Variants in CNTNAP2 observed in about 807,000 individuals in gnomAD.
The protein encoded by CNTNAP2 is contactin-associated protein-like 2.
CNTNAP2 carries 98 observed loss-of-function variants against 155.2 expected under a neutral mutation model. The observed-to-expected ratio is 0.63, with a 90% CI of 0.54 to 0.75. The LOEUF (loss-of-function observed/expected upper bound fraction) is 0.75, where lower values mean the gene tolerates loss of function less well. CNTNAP2 is among the 30% of genes least tolerant of loss of function. The probability of loss-of-function intolerance (pLI) is 0.00; values close to 1 mark genes in which losing one functional copy is unlikely to be tolerated. For synonymous variants in CNTNAP2, 651 were observed against 631.2 expected, an observed-to-expected ratio of 1.03 and a Z score of -0.47; for missense variants, 1,727 against 1,688.1, an observed-to-expected ratio of 1.02 and a Z score of -0.40.
At chr7:147,139,109 G>T (rs137856081) in intron 8 of CNTNAP2, among the ~76,000 whole-genome samples, 2 of 152,070 alleles carry the variant, frequency 1.3e-5, no homozygotes, top group East Asian at 3.9e-4. Flanking sequence ...CAAGAACAGG[G>T]AGGACATAGA....
At chr7:147,452,918 A>AG (rs1797857927) in intron 10 of CNTNAP2, among the ~76,000 whole-genome samples, 1 of 151,078 alleles carries the variant, frequency 6.6e-6, no homozygotes, top group African/African-American at 2.4e-5. Flanking sequence ...ATGAGAAACT[A>AG]GAAAAAATAG....
At chr7:147,476,859 C>T (rs993059799) in intron 10 of CNTNAP2, among the ~76,000 whole-genome samples, 4 of 148,546 alleles carry the variant, frequency 2.7e-5, no homozygotes, top group East Asian at 2.0e-4. Flanking sequence ...ACCTAGGAGG[C>T]GGAGGTTGCG....
rs1798050259 is a variant in CNTNAP2, at chr7:147,462,918, C to A, written c.1671-23017C>A. Among the ~76,000 whole-genome samples, 4 of 152,112 alleles carry A rather than the reference C, an allele frequency of 2.6e-5. No homozygotes were observed. The South Asian group carries it at 8.3e-4, about 32-fold the overall frequency. ...TTCTAACAAGTGTATCGAGAAGTAA[C>A]AGTTATGAACACACTTGTTTTGAAT... On this transcript the variant is annotated intron_variant, in intron 10 of 23. Transcript: ENST00000361727.
intron 4 of CNTNAP2, among the ~76,000 whole-genome samples, chr7:147,062,211 G>A (rs1799697579): frequency 7.9e-6 from 1 of 126,438 alleles, no homozygotes; most frequent in Non-Finnish European, 1.6e-5. Context: ...ACCATAGACA[G>A]TACCTACAAT....
chr7:146,996,838 G>C (rs1798317525), intron 3 of CNTNAP2, among the ~76,000 whole-genome samples: 1 of 152,080 alleles, frequency 6.6e-6, no homozygotes. Flanking sequence ...CCCACTTGTT[G>C]TGGGAGGGAC....
At chr7:146,404,369 T>A (rs1795760745) in intron 1 of CNTNAP2, among the ~76,000 whole-genome samples, 1 of 152,148 alleles carries the variant, frequency 6.6e-6, no homozygotes, top group African/African-American at 2.4e-5. Context: ...TGGGGTGGAA[T>A]GGAGAAATCT....
chr7:146,157,453 A>G (rs1007228672), intron 1 of CNTNAP2, among the ~76,000 whole-genome samples: 1 of 152,096 alleles, frequency 6.6e-6, no homozygotes, highest in African/African-American at 2.4e-5. Flanking sequence ...TCATTTGGGA[A>G]GCACAAGGGG....
chr7:146,900,612 T>TCCACTCCTCTC, intron 3 of CNTNAP2, among the ~76,000 whole-genome samples: 1 of 152,242 alleles, frequency 6.6e-6, no homozygotes, highest in East Asian at 1.9e-4. Flanking sequence ...CACTTCATCA[T>TCCACTCCTCTC]CCACTCCTCT....
intron 8 of CNTNAP2, among the ~76,000 whole-genome samples, chr7:147,296,144 T>C (rs1805437951): frequency 6.6e-6 from 1 of 152,196 alleles, no homozygotes; most frequent in Admixed American, 6.5e-5. Flanking sequence ...TGTGATTATT[T>C]AGGATTGGAT....
At chr7:147,269,562 C>T (rs1804692923) in intron 8 of CNTNAP2, among the ~76,000 whole-genome samples, 1 of 152,208 alleles carries the variant, frequency 6.6e-6, no homozygotes, top group Non-Finnish European at 1.5e-5. Context: ...AGGAAACAAA[C>T]CAGGTCCCCT....
intron 11 of CNTNAP2, among the ~76,000 whole-genome samples, chr7:147,506,575 C>T (rs541122817): frequency 6.6e-5 from 10 of 152,242 alleles, no homozygotes; most frequent in Admixed American, 3.3e-4. Context: ...GATTTTGACA[C>T]GTCCTTCCAG....
At chr7:146,587,752 A>G (rs1368992043) in intron 1 of CNTNAP2, among the ~76,000 whole-genome samples, 1 of 151,912 alleles carries the variant, frequency 6.6e-6, no homozygotes, top group Admixed American at 6.6e-5. Context: ...AGCTCACTGC[A>G]ACCTCCACCT....
chr7:146,131,687 T>A (rs1797716414), intron 1 of CNTNAP2, among the ~76,000 whole-genome samples: 1 of 152,224 alleles, frequency 6.6e-6, no homozygotes, highest in East Asian at 1.9e-4. Flanking sequence ...AGACTTAGGC[T>A]TCATCTAATT....
At chr7:148,039,603 C>A (rs1802631800) in intron 15 of CNTNAP2, among the ~76,000 whole-genome samples, 1 of 152,170 alleles carries the variant, frequency 6.6e-6, no homozygotes, top group Admixed American at 6.5e-5. Flanking sequence ...CAGTACCAAC[C>A]CCTAGGTTTT....
rs13221151 is a variant in CNTNAP2 at position 146,151,672 on chromosome 7, A to G, written c.97+34699A>G. On this transcript the variant is annotated intron_variant, in intron 1 of 23. Coordinates refer to ENST00000361727, the MANE Select transcript of CNTNAP2 (RefSeq NM_014141.6). ...TATATATATATATATATATATATAT[A>G]TATATATATGTATATATATATATAT... Among the ~76,000 whole-genome samples the G allele has an allele frequency of 4.9e-3, 203 of 41,780 alleles. 1 individual carries two copies. Among genetic ancestry groups the G allele is most frequent in the South Asian group, 9.1e-3 (9 of 992 alleles). The allele number at this position is 41,780 out of a possible 152,430, so 27.4% of individuals were successfully genotyped here.
chr7:146,898,910 C>T (rs1373919961), intron 3 of CNTNAP2, among the ~76,000 whole-genome samples: 2 of 152,050 alleles, frequency 1.3e-5, no homozygotes, highest in Non-Finnish European at 2.9e-5. Flanking sequence ...TCTCTACCTT[C>T]TTCCTCCCAT....
At chr7:146,361,362 G>A (rs1265298639) in intron 1 of CNTNAP2, among the ~76,000 whole-genome samples, 1 of 152,052 alleles carries the variant, frequency 6.6e-6, no homozygotes, top group African/African-American at 2.4e-5. Context: ...CATACCTGGG[G>A]GTTCTGTAAC....
chr7:146,514,931 A>G (rs912667301), intron 1 of CNTNAP2, among the ~76,000 whole-genome samples: 2 of 152,000 alleles, frequency 1.3e-5, no homozygotes, highest in African/African-American at 2.4e-5. Context: ...TTAGCATTAC[A>G]TGTCACCTCA....
At chr7:147,779,062 T>C (rs563762414) in intron 13 of CNTNAP2, among the ~76,000 whole-genome samples, 1 of 152,220 alleles carries the variant, frequency 6.6e-6, no homozygotes, top group Non-Finnish European at 1.5e-5. Flanking sequence ...TTTTCTATTA[T>C]GAAATTAGCA....
Sources: gnomAD v4.1 joint callset for allele counts (sites outside exome capture counted in the v4.1 genomes callset) on GRCh38, gnomAD v4.1.1 for gene constraint, MANE v1.5 for transcripts, NCBI Gene and HGNC (gene_info 2026-07-23, HGNC 2026-07-21) for gene names.